The following MED13L variants were observed in gnomAD, a reference collection of about 807,000 sequenced individuals.
The protein encoded by MED13L is mediator of RNA polymerase II transcription subunit 13-like.
A neutral mutation model predicts 220.9 loss-of-function variants in MED13L; 7 were observed. The observed-to-expected ratio is 0.03, with a 90% CI of 0.02 to 0.06. The LOEUF (loss-of-function observed/expected upper bound fraction) is 0.06, where lower values mean the gene tolerates loss of function less well. Among genes scored for constraint, MED13L ranks in the 10% least tolerant of loss-of-function variants. The probability of loss-of-function intolerance (pLI) is 1.00; values close to 1 mark genes in which losing one functional copy is unlikely to be tolerated. For missense variants in MED13L, 1,965 were observed against 2,760.5 expected (o/e 0.71, Z 6.46); for synonymous variants, 1,011 against 1,015.2 (o/e 1.00, Z 0.08).
At position 116,100,933 on chromosome 12, in the gene MED13L, C is replaced by A. The variant is rs369685920; in HGVS notation, c.396-4181G>T. ...TGTCTCAAAAACAAAACAACAACAA[C>A]AAAAATTAATGAAAGCCACTATAAA... On this transcript the variant is annotated intron_variant, in intron 3 of 30. Coordinates refer to ENST00000281928, the MANE Select transcript of MED13L (RefSeq NM_015335.5). Among the ~76,000 whole-genome samples the A allele has an allele frequency of 9.9e-5, 15 of 152,142 alleles. No individual in the cohort carries two copies. The East Asian group carries it at 2.7e-3, about 27-fold the overall frequency.
intron 1 of MED13L, among the ~76,000 whole-genome samples, chr12:116,252,084 T>G (rs1871614768): frequency 1.3e-5 from 2 of 151,870 alleles, no homozygotes; most frequent in Non-Finnish European, 2.9e-5. Flanking sequence ...AATCCAAAAT[T>G]ATAATTGGAG....
intron 29 of MED13L, among the ~76,000 whole-genome samples, chr12:115,964,239 CTTAATA>C (rs1875979597): frequency 1.3e-5 from 2 of 152,146 alleles, no homozygotes. Flanking sequence ...ACAATGATTC[CTTAATA>C]TTATCACCCC....
chr12:116,268,893 T>A (rs926640906), intron 1 of MED13L, among the ~76,000 whole-genome samples: 1 of 152,250 alleles, frequency 6.6e-6, no homozygotes, highest in Admixed American at 6.5e-5. Context: ...TAAAAAGATC[T>A]AATGAAGACT....
intron 4 of MED13L, among the ~76,000 whole-genome samples, chr12:116,050,745 T>C (rs1355700360): frequency 6.6e-6 from 1 of 152,120 alleles, no homozygotes; most frequent in Non-Finnish European, 1.5e-5. Flanking sequence ...GCAACCAGAC[T>C]AGCCAACATG....
At chr12:116,151,100 A>AG (rs1565901790) in intron 2 of MED13L, among the ~76,000 whole-genome samples, 1 of 152,122 alleles carries the variant, frequency 6.6e-6, no homozygotes, top group Non-Finnish European at 1.5e-5. Context: ...GAAGATTAAG[A>AG]GGGGGGAAAT....
At chr12:116,181,266 C>G (rs188680999) in intron 2 of MED13L, 1 of 151,836 alleles carries the variant, frequency 6.6e-6, no homozygotes, top group Admixed American at 6.6e-5. Context: ...GAAATCTAAC[C>G]TGTACACATC....
At position 116,173,530 on chromosome 12, in the gene MED13L, T is replaced by C. The variant is rs573508888; in HGVS notation, c.311-62018A>G. On this transcript the variant is annotated intron_variant, in intron 2 of 30. Transcript: ENST00000281928. ...TTTATAGCATAAGAAAAATGTGTTA[T>C]AATGAAAAATAATTATACATTTTTG... Among the ~76,000 whole-genome samples, 6 of 152,320 alleles carry C rather than the reference T, an allele frequency of 3.9e-5. No individual in the cohort carries two copies. In the East Asian group the frequency reaches 1.2e-3, roughly 29 times the overall value.
intron 2 of MED13L, among the ~76,000 whole-genome samples, chr12:116,135,156 G>A (rs552674403): frequency 3.3e-5 from 5 of 152,264 alleles, no homozygotes; most frequent in East Asian, 3.9e-4. Flanking sequence ...GCAACAGAGC[G>A]AGACCCCGTC....
At chr12:115,994,276 A>C (rs771773207) in intron 16 of MED13L, among the ~76,000 whole-genome samples, 25 of 151,984 alleles carry the variant, frequency 1.6e-4, no homozygotes, top group Non-Finnish European at 3.4e-4. Context: ...GGAGACACAA[A>C]CTCTACAACA....
At chr12:115,963,924 A>C (rs1317619973) in intron 29 of MED13L, among the ~76,000 whole-genome samples, 1 of 152,070 alleles carries the variant, frequency 6.6e-6, no homozygotes, top group Non-Finnish European at 1.5e-5. Flanking sequence ...ATCTCTATAA[A>C]ACATTAAAAA....
chr12:116,119,184 T>A (rs1042558866), intron 2 of MED13L, among the ~76,000 whole-genome samples: 1 of 152,122 alleles, frequency 6.6e-6, no homozygotes, highest in Non-Finnish European at 1.5e-5. Context: ...CTCTTTTCCA[T>A]CCTCCCCTAC....
intron 2 of MED13L, among the ~76,000 whole-genome samples, chr12:116,135,147 C>A (rs1221559595): frequency 8.5e-5 from 13 of 152,146 alleles, no homozygotes; most frequent in Non-Finnish European, 1.6e-4. Flanking sequence ...CCAGCCTAGG[C>A]AACAGAGCGA....
At chr12:116,270,354 G>C (rs1279447361) in intron 1 of MED13L, among the ~76,000 whole-genome samples, 1 of 152,032 alleles carries the variant, frequency 6.6e-6, no homozygotes, top group East Asian at 1.9e-4. Flanking sequence ...ATGTTGGCCA[G>C]GATGGTCTCA....
chr12:116,165,442 T>C (rs936524455), intron 2 of MED13L, among the ~76,000 whole-genome samples: 34 of 152,016 alleles, frequency 2.2e-4, no homozygotes, highest in African/African-American at 8.0e-4. Flanking sequence ...GCCATTCTCC[T>C]ACCTCAGCCT....
chr12:116,264,251 A>T (rs2138568171), intron 1 of MED13L, among the ~76,000 whole-genome samples: 1 of 152,364 alleles, frequency 6.6e-6, no homozygotes, highest in South Asian at 2.1e-4. Flanking sequence ...GACAAAAAAA[A>T]TTATAAACAA....
At chr12:116,209,703 C>T (rs1565929686) in intron 2 of MED13L, among the ~76,000 whole-genome samples, 1 of 152,118 alleles carries the variant, frequency 6.6e-6, no homozygotes, top group Non-Finnish European at 1.5e-5. Context: ...GAGCCCAACC[C>T]TCTACCACAG....
chr12:116,133,315 C>T (rs1876240437), intron 2 of MED13L, among the ~76,000 whole-genome samples: 1 of 152,150 alleles, frequency 6.6e-6, no homozygotes, highest in Non-Finnish European at 1.5e-5. Flanking sequence ...TCAACATTGC[C>T]TAAAAGTCCA....
intron 4 of MED13L, among the ~76,000 whole-genome samples, chr12:116,028,477 C>G (rs1880531455): frequency 6.6e-6 from 1 of 152,154 alleles, no homozygotes; most frequent in Admixed American, 6.5e-5. Flanking sequence ...CAAAGTTACA[C>G]AGCAAGTTCA....
chr12:116,259,651 A>C (rs1004647111), intron 1 of MED13L, among the ~76,000 whole-genome samples: 1 of 152,166 alleles, frequency 6.6e-6, no homozygotes, highest in Non-Finnish European at 1.5e-5. Context: ...GAATCTTTCT[A>C]CCTTATGTGT....
Sources: gnomAD v4.1 joint callset for allele counts (sites outside exome capture counted in the v4.1 genomes callset) on GRCh38, gnomAD v4.1.1 for gene constraint, MANE v1.5 for transcripts, NCBI Gene and HGNC (gene_info 2026-07-23, HGNC 2026-07-21) for gene names.